MYO1D: variants seen among roughly 807,000 people sequenced by gnomAD.
The protein encoded by MYO1D is myosin ID.
Under a neutral mutation model 122.0 loss-of-function variants are expected in MYO1D, and 83 were observed. The observed-to-expected ratio is 0.68, with a 90% confidence interval of 0.57 to 0.82. The LOEUF is 0.82. Among genes scored for constraint, MYO1D ranks in the 40% least tolerant of loss-of-function variants. The pLI is 0.00. For synonymous variants in MYO1D, 464 were observed against 446.9 expected, an observed-to-expected ratio of 1.04 and a Z score of -0.48; for missense variants, 1,157 against 1,269.5, an observed-to-expected ratio of 0.91 and a Z score of 1.35.
chr17:32,720,334 T>A (rs1355756733), intron 15 of MYO1D, among the ~76,000 whole-genome samples: 1 of 152,162 alleles, frequency 6.6e-6, no homozygotes, highest in Non-Finnish European at 1.5e-5. Context: ...CTATTCCAAG[T>A]GTTTTGTATA....
chr17:32,514,883 T>C (rs1475542458), intron 21 of MYO1D, among the ~76,000 whole-genome samples: 1 of 152,264 alleles, frequency 6.6e-6, no homozygotes, highest in Admixed American at 6.5e-5. Context: ...AATGGAGGCA[T>C]AGTGGGAAGA....
rs890259525 is a variant in MYO1D at position 32,564,867 on chromosome 17, G to C, written c.2864+40220C>G. On this transcript the variant is annotated intron_variant, in intron 21 of 21. Transcript: ENST00000318217. ...GCATTTTGTGGTCACTGTTACAAAG[G>C]TCAATCTGTGTTAATTCTAGAAACA... 3.9e-5 allele frequency among the ~76,000 whole-genome samples: 6 copies of C among 152,264 alleles called. 1 individual carries two copies. Among genetic ancestry groups the C allele is most frequent in the Admixed American group, 3.9e-4 (6 of 15,296 alleles).
At chr17:32,757,386 G>A (rs1380435520) in intron 10 of MYO1D, among the ~76,000 whole-genome samples, 1 of 152,106 alleles carries the variant, frequency 6.6e-6, no homozygotes, top group East Asian at 1.9e-4. Context: ...CTGTCATTTG[G>A]TGGGTAGAGG....
At chr17:32,823,199 T>C (rs2090690137) in intron 1 of MYO1D, among the ~76,000 whole-genome samples, 1 of 152,136 alleles carries the variant, frequency 6.6e-6, no homozygotes, top group Non-Finnish European at 1.5e-5. Context: ...TCTAGAATGC[T>C]GATGAGAGGT....
At chr17:32,560,684 A>G (rs1166728867) in intron 21 of MYO1D, among the ~76,000 whole-genome samples, 2 of 150,070 alleles carry the variant, frequency 1.3e-5, no homozygotes, top group Non-Finnish European at 3.0e-5. Context: ...CAGTTGCAAA[A>G]TCTCAACTCT....
chr17:32,621,517 G>C (rs2087854846), intron 20 of MYO1D, among the ~76,000 whole-genome samples: 1 of 152,066 alleles, frequency 6.6e-6, no homozygotes, highest in Non-Finnish European at 1.5e-5. Context: ...GCTATGGATG[G>C]ATTAAAAAGG....
At chr17:32,844,353 GTA>G (rs1010674290) in intron 1 of MYO1D, among the ~76,000 whole-genome samples, 11 of 144,768 alleles carry the variant, frequency 7.6e-5, no homozygotes, top group South Asian at 2.1e-4. Flanking sequence ...TATTATATGT[GTA>G]TATATATTAT....
intron 19 of MYO1D, among the ~76,000 whole-genome samples, chr17:32,640,434 C>A (rs997367002): frequency 6.7e-6 from 1 of 149,130 alleles, no homozygotes; most frequent in Non-Finnish European, 1.5e-5. Flanking sequence ...ACTAACTCGT[C>A]ATCTAGCATT....
chr17:32,651,732 G>A (rs925307246), intron 19 of MYO1D, among the ~76,000 whole-genome samples: 2 of 146,158 alleles, frequency 1.4e-5, no homozygotes, highest in African/African-American at 5.1e-5. Flanking sequence ...CTGGAGTGCA[G>A]TGGCACGATC....
At chr17:32,692,962 G>T (rs2089123162) in intron 16 of MYO1D, among the ~76,000 whole-genome samples, 1 of 152,098 alleles carries the variant, frequency 6.6e-6, no homozygotes, top group South Asian at 2.1e-4. Context: ...AAAAATAATT[G>T]CTCAGCAGTA....
chr17:32,609,136 T>C (rs1474818440), intron 20 of MYO1D, among the ~76,000 whole-genome samples: 1 of 152,200 alleles, frequency 6.6e-6, no homozygotes, highest in Non-Finnish European at 1.5e-5. Context: ...TGCACGTAAA[T>C]TATATTCATT....
intron 14 of MYO1D, among the ~76,000 whole-genome samples, chr17:32,728,363 TG>T (rs1370088107): frequency 6.6e-6 from 1 of 152,104 alleles, no homozygotes; most frequent in African/African-American, 2.4e-5. Context: ...CACACCACCA[TG>T]CCTGGCTAAT....
At chr17:32,625,515 G>A (rs1164789763) in intron 20 of MYO1D, among the ~76,000 whole-genome samples, 1 of 151,946 alleles carries the variant, frequency 6.6e-6, no homozygotes, top group African/African-American at 2.4e-5. Context: ...TGACACATGC[G>A]ATGAATGTTA....
intron 1 of MYO1D, among the ~76,000 whole-genome samples, chr17:32,825,483 G>A (rs1235651799): frequency 1.3e-5 from 2 of 152,064 alleles, no homozygotes; most frequent in African/African-American, 4.8e-5. Flanking sequence ...TGTAAAGGCA[G>A]GGTTTCACCA....
chr17:32,762,972 G>A (rs1438809791), intron 8 of MYO1D, among the ~76,000 whole-genome samples: 1 of 151,774 alleles, frequency 6.6e-6, no homozygotes, highest in Non-Finnish European at 1.5e-5. Context: ...GGATCACAAG[G>A]TCAGGAGATG....
intron 20 of MYO1D, among the ~76,000 whole-genome samples, chr17:32,610,179 G>C (rs1350889839): frequency 6.6e-6 from 1 of 152,054 alleles, no homozygotes; most frequent in Non-Finnish European, 1.5e-5. Context: ...CCCTTCCTAG[G>C]TGCTACCTGG....
At chr17:32,687,343 C>T (rs923922548) in intron 16 of MYO1D, among the ~76,000 whole-genome samples, 1 of 152,038 alleles carries the variant, frequency 6.6e-6, no homozygotes, top group Non-Finnish European at 1.5e-5. Context: ...ACTCCAGGCA[C>T]CTGCCACCAC....
At chr17:32,510,689 A>G (rs1909663483) in intron 21 of MYO1D, 1 of 152,156 alleles carries the variant, frequency 6.6e-6, no homozygotes, top group African/African-American at 2.4e-5. Context: ...GACTCGGTGC[A>G]CTGGAGGTGG....
At chr17:32,681,629 T>A (rs1289782112) in intron 16 of MYO1D, among the ~76,000 whole-genome samples, 1 of 152,200 alleles carries the variant, frequency 6.6e-6, no homozygotes, top group Admixed American at 6.5e-5. Context: ...TTTGTTATAA[T>A]TCCTGTTCTT....
Sources: allele counts gnomAD v4.1 joint callset (sites outside exome capture counted in the v4.1 genomes callset), GRCh38; gene constraint gnomAD v4.1.1; transcripts MANE v1.5; gene names NCBI Gene and HGNC (gene_info 2026-07-23, HGNC 2026-07-21).